The following XPA variants were observed in gnomAD, a reference collection of about 807,000 sequenced individuals.
The protein encoded by XPA is XPA, DNA damage recognition and repair factor.
In XPA, 27 loss-of-function variants were observed where a neutral mutation model predicts 35.7. The ratio of observed to expected loss-of-function variants is 0.76; its 90% CI spans 0.56 to 1.04. The LOEUF is 1.04. Ranked by LOEUF, XPA falls within the 50% of genes least tolerant of loss-of-function variation. The pLI, the probability that XPA is intolerant of heterozygous loss-of-function variation, is 0.00. For synonymous variants in XPA, 133 were observed against 118.4 expected (o/e 1.12, Z -0.80); for missense variants, 354 against 342.7 (o/e 1.03, Z -0.26).
At chr9:97,680,272 G>A (rs1231441996) in intron 5 of XPA, among the ~76,000 whole-genome samples, 2 of 152,088 alleles carry the variant, frequency 1.3e-5, no homozygotes, top group African/African-American at 4.8e-5. Flanking sequence ...GCAATGGGGG[G>A]ATCTCAGCTC....
At chr9:97,661,838 T>TA in the XPA span, among the ~76,000 whole-genome samples, 7 of 148,244 alleles carry the variant, frequency 4.7e-5, no homozygotes, top group African/African-American at 1.2e-4. Context: ...GACAGTCACA[T>TA]AAAACTAAGA....
chr9:97,693,250 T>A (rs1201087880), intron 2 of XPA, among the ~76,000 whole-genome samples: 1 of 152,244 alleles, frequency 6.6e-6, no homozygotes, highest in Non-Finnish European at 1.5e-5. Context: ...GTCTATCTTA[T>A]ACTTTGTAAG....
At chr9:97,666,502 G>T in the XPA span, among the ~76,000 whole-genome samples, 13,898 of 152,152 alleles carry the variant, frequency 0.091, 2,182 homozygotes, top group African/African-American at 0.32. Flanking sequence ...TGTACCTCTG[G>T]TAAGGGATGG....
chr9:97,658,052 G>C, the XPA span, among the ~76,000 whole-genome samples: 6 of 151,196 alleles, frequency 4.0e-5, no homozygotes, highest in Non-Finnish European at 5.9e-5. Flanking sequence ...TATTCATGGA[G>C]CCCTAGTTTC....
At chr9:97,656,039 A>G in the XPA span, 3 of 1,614,092 alleles carry the variant, frequency 1.9e-6, no homozygotes, top group Non-Finnish European at 2.5e-6. Flanking sequence ...AGATCCTGAA[A>G]GTCCCAAACC....
chr9:97,655,788 T>C, the XPA span: 1 of 1,588,086 alleles, frequency 6.3e-7, no homozygotes, highest in South Asian at 1.2e-5. Flanking sequence ...TGTTTTATCT[T>C]TTTCTGTAGT....
chr9:97,679,205 G>A (rs1193618646), intron 5 of XPA, among the ~76,000 whole-genome samples: 1 of 152,062 alleles, frequency 6.6e-6, no homozygotes, highest in African/African-American at 2.4e-5. Flanking sequence ...AATACTTAAG[G>A]GTAAAGGGTG....
At chr9:97,657,526 A>G in the XPA span, among the ~76,000 whole-genome samples, 2 of 152,142 alleles carry the variant, frequency 1.3e-5, no homozygotes, top group African/African-American at 2.4e-5. Context: ...GGTCATGTCA[A>G]TATCTGCCAG....
At chr9:97,696,610 G>A (rs1164417716) in intron 1 of XPA, among the ~76,000 whole-genome samples, 1 of 152,102 alleles carries the variant, frequency 6.6e-6, no homozygotes. Context: ...GTTCCTATTT[G>A]AGCGCTTCTA....
Position 97,685,018 on chromosome 9 carries a change from A to C in XPA, c.578T>G (p.Val193Gly). Residue 193 changes from valine (V) to glycine (G), a missense_variant, in exon 5 of 6, where the codon GTT (valine) becomes GGT (glycine). Coordinates refer to ENST00000375128, the MANE Select transcript of XPA (RefSeq NM_000380.4). ...TTCTAATGCTTCTTGACTACCCCAA[A>C]CTTCAAGAGACCTCTTCACAATCTA... ...KLQIVKRSLEVWGSQEALEEA... is the reference protein window; with the variant it reads ...KLQIVKRSLEGWGSQEALEEA... The C allele has an allele frequency of 6.2e-7, 1 of 1,613,508 alleles. No homozygotes were observed. The highest frequency in any genetic ancestry group is 8.5e-7 in the Non-Finnish European group (1 of 1,179,772).
chr9:97,697,058 G>C (rs1001178391), intron 1 of XPA, 63 bp downstream of exon 1: 5 of 1,476,928 alleles, frequency 3.4e-6, no homozygotes, highest in African/African-American at 1.5e-5. Flanking sequence ...CGGCTTGCAC[G>C]AGCCAGTCTG....
intron 4 of XPA, among the ~76,000 whole-genome samples, chr9:97,686,536 A>G (rs970433081): frequency 8.5e-5 from 13 of 152,180 alleles, no homozygotes; most frequent in Non-Finnish European, 1.9e-4. Flanking sequence ...GAGGGTAAGG[A>G]AACAGGGCCT....
downstream of XPA, among the ~76,000 whole-genome samples, chr9:97,674,190 A>G (rs149603166): frequency 6.6e-5 from 10 of 151,412 alleles, 1 homozygote; most frequent in East Asian, 1.6e-3. Flanking sequence ...TTCTGTTGTC[A>G]TCATCTGTTG....
At position 97,689,636 on chromosome 9, in the gene XPA, G is replaced by A; in HGVS notation, c.287C>T (p.Pro96Leu). 6.3e-7 allele frequency: 1 copy of A among 1,591,720 alleles called. No individual in the cohort carries two copies. The highest frequency in any genetic ancestry group is 8.6e-7 in the Non-Finnish European group (1 of 1,160,778). Residue 96 changes from proline (P) to leucine (L), a missense_variant, in exon 3 of 6, where the codon CCT becomes CTT. Coordinates refer to ENST00000375128, the MANE Select transcript of XPA (RefSeq NM_000380.4). ...TATTACATAATCAAATTCCATAACA[G>A]GTCCTAAGAAAAGGAAAATGAACTC... ...KIGKVVHQPG[P>L]VMEFDYVICE...
At chr9:97,666,639 C>T in the XPA span, 8 of 583,052 alleles carry the variant, frequency 1.4e-5, no homozygotes, top group Non-Finnish European at 2.3e-5. Context: ...AGAAAGATGA[C>T]TAATTCAGCC....
chr9:97,667,197 G>A, the XPA span, among the ~76,000 whole-genome samples: 1 of 152,170 alleles, frequency 6.6e-6, no homozygotes, highest in Non-Finnish European at 1.5e-5. Context: ...ATTTCTGTAG[G>A]AGTCTCTGGG....
the XPA span, chr9:97,654,938 T>G: frequency 1.2e-6 from 2 of 1,603,304 alleles, no homozygotes; most frequent in East Asian, 2.3e-5. Flanking sequence ...ACTACCTGTG[T>G]AGACAGGTAC....
At chr9:97,655,993 A>G in the XPA span, 8 of 1,608,596 alleles carry the variant, frequency 5.0e-6, no homozygotes, top group South Asian at 2.2e-5. Context: ...CATTGATAAA[A>G]CTACATTTCC....
At chr9:97,674,156 T>A (rs958947455), downstream of XPA, among the ~76,000 whole-genome samples, 3 of 151,438 alleles carry the variant, frequency 2.0e-5, no homozygotes, top group Non-Finnish European at 4.4e-5. Flanking sequence ...ATAATGCTCT[T>A]ACAACAACCT....
Sources: gnomAD v4.1 joint callset for allele counts (sites outside exome capture counted in the v4.1 genomes callset) on GRCh38, gnomAD v4.1.1 for gene constraint, MANE v1.5 for transcripts, NCBI Gene and HGNC (gene_info 2026-07-23, HGNC 2026-07-21) for gene names.